ST6GALNAC5: variants seen among roughly 807,000 people sequenced by gnomAD.
ST6GALNAC5 encodes the protein alpha-N-acetylgalactosaminide alpha-2,6-sialyltransferase 5.
Under a neutral mutation model 33.6 loss-of-function variants are expected in ST6GALNAC5, and 27 were observed. That is an observed-to-expected ratio of 0.80 (90% CI 0.59 to 1.11). The LOEUF is 1.11. Ranked by LOEUF, ST6GALNAC5 falls within the 50% of genes least tolerant of loss-of-function variation. The pLI, the probability that ST6GALNAC5 is intolerant of heterozygous loss-of-function variation, is 0.00. For missense variants in ST6GALNAC5, 428 were observed against 454.0 expected, an observed-to-expected ratio of 0.94 and a Z score of 0.52; for synonymous variants, 194 against 171.2, an observed-to-expected ratio of 1.13 and a Z score of -1.04.
chr1:76,993,164 C>A (rs1363208033), intron 2 of ST6GALNAC5, among the ~76,000 whole-genome samples: 3 of 152,176 alleles, frequency 2.0e-5, no homozygotes, highest in Non-Finnish European at 4.4e-5. Flanking sequence ...AAATATCACT[C>A]CCTCCATGAT....
At chr1:76,981,454 T>G (rs1467470192) in intron 2 of ST6GALNAC5, among the ~76,000 whole-genome samples, 1 of 152,182 alleles carries the variant, frequency 6.6e-6, no homozygotes, top group Non-Finnish European at 1.5e-5. Flanking sequence ...CCAACATTGC[T>G]GAGGCTTAAG....
chr1:77,016,230 C>T (rs1259552125), intron 2 of ST6GALNAC5, among the ~76,000 whole-genome samples: 5 of 100,058 alleles, frequency 5.0e-5, no homozygotes, highest in Admixed American at 9.3e-5. Flanking sequence ...ATCTCCTCCC[C>T]CTCCTCCTCC....
intron 2 of ST6GALNAC5, among the ~76,000 whole-genome samples, chr1:77,004,514 C>T (rs1475282860): frequency 5.0e-5 from 7 of 141,364 alleles, no homozygotes; most frequent in African/African-American, 1.5e-4. Context: ...CTCCATCCAG[C>T]TTTGTTCCAT....
intron 2 of ST6GALNAC5, among the ~76,000 whole-genome samples, chr1:77,001,208 A>G (rs28860555): frequency 0.29 from 33,041 of 113,706 alleles, 5,518 homozygotes; most frequent in East Asian, 0.44. Context: ...GGTCCTTCAC[A>G]TCCCTTGTAA....
intron 2 of ST6GALNAC5, among the ~76,000 whole-genome samples, chr1:76,880,299 G>A (rs988873026): frequency 1.3e-5 from 2 of 152,148 alleles, no homozygotes; most frequent in African/African-American, 4.8e-5. Flanking sequence ...TAGAACTAGA[G>A]TTCTTGGCAT....
chr1:76,873,149 T>C (rs892783466), intron 2 of ST6GALNAC5, among the ~76,000 whole-genome samples: 1 of 152,142 alleles, frequency 6.6e-6, no homozygotes, highest in Non-Finnish European at 1.5e-5. Context: ...CCTCAGGACC[T>C]TTGCACATGC....
At chr1:76,928,448 C>T (rs1170746514) in intron 2 of ST6GALNAC5, among the ~76,000 whole-genome samples, 1 of 152,084 alleles carries the variant, frequency 6.6e-6, no homozygotes, top group Non-Finnish European at 1.5e-5. Flanking sequence ...ATACGTAATT[C>T]AGTAGGGGTT....
At chr1:76,966,926 C>G (rs1386042241) in intron 2 of ST6GALNAC5, among the ~76,000 whole-genome samples, 3 of 152,180 alleles carry the variant, frequency 2.0e-5, no homozygotes, top group Non-Finnish European at 4.4e-5. Flanking sequence ...TTGAACCAGC[C>G]TTGCATCCCA....
At chr1:76,920,672 T>C (rs1235114771) in intron 2 of ST6GALNAC5, among the ~76,000 whole-genome samples, 1 of 152,182 alleles carries the variant, frequency 6.6e-6, no homozygotes, top group African/African-American at 2.4e-5. Flanking sequence ...TACCTTCTAA[T>C]ACTGGTCACA....
chr1:76,877,542 G>A (rs1284854949), intron 2 of ST6GALNAC5, among the ~76,000 whole-genome samples: 1 of 152,168 alleles, frequency 6.6e-6, no homozygotes, highest in Non-Finnish European at 1.5e-5. Context: ...CTTCACCTTA[G>A]AAGGAATATC....
intron 2 of ST6GALNAC5, among the ~76,000 whole-genome samples, chr1:77,018,258 T>G (rs1650925598): frequency 6.6e-6 from 1 of 152,170 alleles, no homozygotes; most frequent in Non-Finnish European, 1.5e-5. Context: ...CATTTTTGCT[T>G]CTAAGTCTTT....
intron 2 of ST6GALNAC5, among the ~76,000 whole-genome samples, chr1:76,926,388 C>G (rs1200718553): frequency 6.6e-6 from 1 of 152,134 alleles, no homozygotes; most frequent in African/African-American, 2.4e-5. Flanking sequence ...TTTATTCATA[C>G]CTACACACAC....
intron 2 of ST6GALNAC5, among the ~76,000 whole-genome samples, chr1:76,958,826 C>T (rs1282352119): frequency 6.6e-6 from 1 of 152,128 alleles, no homozygotes; most frequent in African/African-American, 2.4e-5. Flanking sequence ...GGCACCTCCT[C>T]TCCCAAAAAA....
intron 2 of ST6GALNAC5, among the ~76,000 whole-genome samples, chr1:76,948,558 G>A (rs1295244756): frequency 7.1e-6 from 1 of 139,914 alleles, no homozygotes; most frequent in African/African-American, 2.6e-5. Context: ...CTTCAAGTGG[G>A]GAGAGAGAGA....
rs184161305 is a variant in ST6GALNAC5 at position 76,960,188 on chromosome 1, G to A, written c.262-84016G>A. On this transcript the variant is annotated intron_variant, in intron 2 of 4. Transcript: ENST00000477717. Reference sequence around the variant, plus strand: ...TTTCTATTTTCCCTAAGTGTCAGTCGGTCTGAGAAATAAAGGGACAGAGTA... The same window carrying A: ...TTTCTATTTTCCCTAAGTGTCAGTCAGTCTGAGAAATAAAGGGACAGAGTA... Among the ~76,000 whole-genome samples, 36 of 152,118 alleles carry A rather than the reference G, an allele frequency of 2.4e-4. No individual in the cohort carries two copies. In the East Asian group the frequency reaches 3.1e-3, roughly 13 times the overall value.
At chr1:76,999,311 G>A (rs867093991) in intron 2 of ST6GALNAC5, among the ~76,000 whole-genome samples, 1 of 152,024 alleles carries the variant, frequency 6.6e-6, no homozygotes, top group Non-Finnish European at 1.5e-5. Flanking sequence ...TATTTCCCTG[G>A]TTCATCAAGA....
chr1:76,910,917 C>A (rs1646905424), intron 2 of ST6GALNAC5, among the ~76,000 whole-genome samples: 1 of 151,904 alleles, frequency 6.6e-6, no homozygotes, highest in Admixed American at 6.6e-5. Context: ...TCAGCACCCA[C>A]TGCAATTGTA....
intron 2 of ST6GALNAC5, among the ~76,000 whole-genome samples, chr1:76,896,724 C>T (rs564511576): frequency 4.3e-4 from 66 of 151,962 alleles, no homozygotes; most frequent in African/African-American, 1.6e-3. Flanking sequence ...CTGAAGGAGC[C>T]GGGAGCAGAA....
intron 2 of ST6GALNAC5, among the ~76,000 whole-genome samples, chr1:76,966,844 A>G (rs994041259): frequency 4.6e-5 from 7 of 152,304 alleles, no homozygotes; most frequent in South Asian, 2.1e-4. Context: ...TTCTGCATCT[A>G]TTGAGACAAT....
Sources: gnomAD v4.1 joint callset for allele counts (sites outside exome capture counted in the v4.1 genomes callset) on GRCh38, gnomAD v4.1.1 for gene constraint, MANE v1.5 for transcripts, NCBI Gene and HGNC (gene_info 2026-07-23, HGNC 2026-07-21) for gene names.